The following ADAMTSL1 variants were observed in gnomAD, a reference collection of about 807,000 sequenced individuals.
The protein encoded by ADAMTSL1 is ADAMTS-like protein 1.
ADAMTSL1 carries 126 observed loss-of-function variants against 201.8 expected under a neutral mutation model. That is an observed-to-expected ratio of 0.62 (90% CI 0.54 to 0.72). ADAMTSL1 has a LOEUF of 0.72. Ranked by LOEUF, ADAMTSL1 falls within the 30% of genes least tolerant of loss-of-function variation. ADAMTSL1 has a pLI of 0.00. For synonymous variants in ADAMTSL1, 1,121 were observed against 903.4 expected (o/e 1.24, Z -4.32); for missense variants, 2,679 against 2,277.8 (o/e 1.18, Z -3.59).
chr9:18,151,653 G>A (rs528403666), intron 1 of ADAMTSL1, among the ~76,000 whole-genome samples: 117 of 152,098 alleles, frequency 7.7e-4, no homozygotes, highest in Middle Eastern at 3.4e-3. Flanking sequence ...ATGATCAGTA[G>A]GTTAGGGCCC....
intron 3 of ADAMTSL1, among the ~76,000 whole-genome samples, chr9:18,565,782 T>G (rs964184493): frequency 2.6e-5 from 4 of 152,220 alleles, no homozygotes; most frequent in African/African-American, 9.6e-5. Context: ...CAACTATGTC[T>G]GTTTAATTTC....
chr9:18,395,233 C>T lies in ADAMTSL1; in HGVS notation c.208-109596C>T, dbSNP rs568522346. Among the ~76,000 whole-genome samples the T allele has an allele frequency of 8.5e-5, 13 of 152,264 alleles. No individual in the cohort carries two copies. The South Asian group carries it at 2.1e-3, about 24-fold the overall frequency. Reference sequence around the variant, plus strand: ...TAAACTGCCTTTCAAAACAGTTCTCCAGGAAGCCAGTCTGAATTTACTCTG... The same window carrying T: ...TAAACTGCCTTTCAAAACAGTTCTCTAGGAAGCCAGTCTGAATTTACTCTG... On this transcript the variant is annotated intron_variant, in intron 2 of 29. Transcript: ENST00000680146.
chr9:18,454,281 G>A (rs1424522014), intron 2 of ADAMTSL1, among the ~76,000 whole-genome samples: 2 of 152,142 alleles, frequency 1.3e-5, no homozygotes, highest in Admixed American at 6.5e-5. Flanking sequence ...AGGAAAGGAG[G>A]AGGACACTGT....
chr9:18,185,573 A>T (rs1210352502), intron 2 of ADAMTSL1, among the ~76,000 whole-genome samples: 1 of 152,180 alleles, frequency 6.6e-6, no homozygotes, highest in Non-Finnish European at 1.5e-5. Flanking sequence ...TGGTTTCTTA[A>T]ACTATGAAAC....
chr9:18,670,543 G>A (rs574182008), intron 9 of ADAMTSL1, among the ~76,000 whole-genome samples: 1 of 152,328 alleles, frequency 6.6e-6, no homozygotes, highest in Non-Finnish European at 1.5e-5. Context: ...CAAGACGTGG[G>A]ACTGAATATG....
intron 3 of ADAMTSL1, among the ~76,000 whole-genome samples, chr9:18,566,942 T>C (rs1821940249): frequency 1.3e-5 from 2 of 152,090 alleles, no homozygotes; most frequent in East Asian, 3.9e-4. Flanking sequence ...TTCTGATGGA[T>C]TGGATATGGA....
intron 7 of ADAMTSL1, among the ~76,000 whole-genome samples, chr9:18,645,576 G>A (rs907307258): frequency 1.3e-5 from 2 of 151,784 alleles, no homozygotes; most frequent in Non-Finnish European, 2.9e-5. Context: ...TAAGGTGTGA[G>A]GAAGGGATCC....
chr9:18,383,970 G>C (rs147544994), intron 2 of ADAMTSL1, among the ~76,000 whole-genome samples: 166 of 152,226 alleles, frequency 1.1e-3, no homozygotes, highest in South Asian at 5.4e-3. Flanking sequence ...AGGCTGCCAG[G>C]TAATGGTGAT....
intron 3 of ADAMTSL1, among the ~76,000 whole-genome samples, chr9:18,542,498 C>A (rs1779755236): frequency 6.6e-6 from 1 of 152,102 alleles, no homozygotes; most frequent in South Asian, 2.1e-4. Context: ...AAAATAAGGT[C>A]ATTAAGGTGG....
chr9:18,822,144 G>C (rs1451192202), intron 21 of ADAMTSL1, among the ~76,000 whole-genome samples: 1 of 152,162 alleles, frequency 6.6e-6, no homozygotes, highest in Non-Finnish European at 1.5e-5. Context: ...GCCTATCCAA[G>C]TAGCTGGTCC....
chr9:18,108,929 A>T (rs1824881095), intron 1 of ADAMTSL1, among the ~76,000 whole-genome samples: 1 of 152,200 alleles, frequency 6.6e-6, no homozygotes. Flanking sequence ...AGGGAGGGAT[A>T]TATTTTATTG....
intron 2 of ADAMTSL1, among the ~76,000 whole-genome samples, chr9:18,468,344 G>C (rs1382499351): frequency 6.6e-6 from 1 of 152,114 alleles, no homozygotes; most frequent in Non-Finnish European, 1.5e-5. Flanking sequence ...TTGTTTTGGG[G>C]ACAAGTATCT....
At chr9:18,802,309 C>T (rs2131090853) in intron 20 of ADAMTSL1, among the ~76,000 whole-genome samples, 1 of 152,202 alleles carries the variant, frequency 6.6e-6, no homozygotes, top group Admixed American at 6.5e-5. Flanking sequence ...TCCATCACCA[C>T]ACTCAATTTT....
At chr9:17,952,256 AT>A (rs199822884) in intron 1 of ADAMTSL1, among the ~76,000 whole-genome samples, 12 of 150,628 alleles carry the variant, frequency 8.0e-5, no homozygotes, top group African/African-American at 2.7e-4. Flanking sequence ...TTCCAGCCTC[AT>A]TTTTTTTCTT....
At position 18,168,703 on chromosome 9, in the gene ADAMTSL1, T is replaced by C. The variant is rs370857467; in HGVS notation, c.207+4722T>C. Among the ~76,000 whole-genome samples the C allele has an allele frequency of 6.8e-3, 997 of 146,810 alleles. 9 individuals carry two copies. The highest frequency in any genetic ancestry group is 0.024 in the African/African-American group (964 of 40,230). On this transcript the variant is annotated intron_variant, in intron 2 of 29. Coordinates refer to the ADAMTSL1 transcript ENST00000680146. Reference sequence around the variant, plus strand: ...CTAGATCCCTGAGGAATCGCCACACTGACTTCCACAATGGTTGAACTAGTT... The same window carrying C: ...CTAGATCCCTGAGGAATCGCCACACCGACTTCCACAATGGTTGAACTAGTT...
intron 19 of ADAMTSL1, among the ~76,000 whole-genome samples, chr9:18,778,563 A>G (rs1821201699): frequency 6.6e-6 from 1 of 152,226 alleles, no homozygotes; most frequent in African/African-American, 2.4e-5. Context: ...TAGTGGTAGT[A>G]GAATTAATAA....
intron 1 of ADAMTSL1, among the ~76,000 whole-genome samples, chr9:18,082,970 G>T (rs1255886712): frequency 6.6e-6 from 1 of 152,194 alleles, no homozygotes; most frequent in African/African-American, 2.4e-5. Flanking sequence ...AACCAGTACT[G>T]CCAGGAAGCT....
chr9:18,535,458 T>G (rs1819708142), intron 3 of ADAMTSL1, among the ~76,000 whole-genome samples: 1 of 152,168 alleles, frequency 6.6e-6, no homozygotes, highest in Non-Finnish European at 1.5e-5. Flanking sequence ...AGTTCCAACC[T>G]TTCCCACATT....
intron 1 of ADAMTSL1, among the ~76,000 whole-genome samples, chr9:18,104,593 G>A (rs984373307): frequency 8.5e-5 from 13 of 152,096 alleles, no homozygotes; most frequent in African/African-American, 3.1e-4. Flanking sequence ...CCAAAAGGCA[G>A]GAGGGAGGGA....
Sources: gnomAD v4.1 joint callset for allele counts (sites outside exome capture counted in the v4.1 genomes callset) on GRCh38, gnomAD v4.1.1 for gene constraint, MANE v1.5 for transcripts, NCBI Gene and HGNC (gene_info 2026-07-23, HGNC 2026-07-21) for gene names.